Variants in ALG12 observed in about 807,000 individuals in gnomAD.
ALG12 encodes the protein ALG12 alpha-1,6-mannosyltransferase.
ALG12 carries 36 observed loss-of-function variants against 46.0 expected under a neutral mutation model. The observed-to-expected ratio is 0.78, with a 90% CI of 0.60 to 1.03. The LOEUF is 1.03. ALG12 is among the 50% of genes least tolerant of loss of function. The pLI, the probability that ALG12 is intolerant of heterozygous loss-of-function variation, is 0.00. For missense variants in ALG12, 599 were observed against 633.5 expected, an observed-to-expected ratio of 0.95 and a Z score of 0.58; for synonymous variants, 326 against 291.6, an observed-to-expected ratio of 1.12 and a Z score of -1.20.
the ALG12 span, chr22:49,885,023 T>C: frequency 2.5e-6 from 4 of 1,612,854 alleles, no homozygotes; most frequent in Admixed American, 1.7e-5. Context: ...AAAAAGGTCA[T>C]GAAAAGACTG....
rs1469264276 is a variant in ALG12, at chr22:49,913,691, C to G, written c.75G>C (p.Leu25=). ...GLLVAVATVH[L]VICPYTKVEE... is the part of the protein sequence containing the mutation. ...CCACTTTGGTGTAGGGACAGATGAC[C>G]AGGTGGACAGTGGCTACGGCCACCA... Residue 25 remains leucine, a synonymous_variant, in exon 2 of 10, where the codon CTG becomes CTC. Coordinates refer to ENST00000330817, the MANE Select transcript of ALG12 (RefSeq NM_024105.4). 1.9e-6 allele frequency: 3 copies of G among 1,613,936 alleles called. No individual in the cohort carries two copies. The highest frequency in any genetic ancestry group is 2.5e-6 in the Non-Finnish European group (3 of 1,180,032).
At chr22:49,874,730 A>G in the ALG12 span, among the ~76,000 whole-genome samples, 51 of 113,202 alleles carry the variant, frequency 4.5e-4, no homozygotes, top group Admixed American at 4.7e-3. Flanking sequence ...GCCAGGCTGG[A>G]GGGCAATGGC....
At chr22:49,887,251 C>T in the ALG12 span, 32 of 1,483,374 alleles carry the variant, frequency 2.2e-5, no homozygotes, top group African/African-American at 2.0e-4. Flanking sequence ...GTCTATGACC[C>T]GCTCTGCCCA....
chr22:49,877,104 C>T, the ALG12 span, among the ~76,000 whole-genome samples: 1 of 152,084 alleles, frequency 6.6e-6, no homozygotes, highest in Non-Finnish European at 1.5e-5. Context: ...TAAATGAACG[C>T]TGGCAGTGAG....
At chr22:49,888,719 T>A in the ALG12 span, 1 of 167,316 alleles carries the variant, frequency 6.0e-6, no homozygotes, top group African/African-American at 2.4e-5. Context: ...GTGCACGCTC[T>A]TCCTGGTGTC....
At chr22:49,872,039 C>T in the ALG12 span, among the ~76,000 whole-genome samples, 9 of 152,044 alleles carry the variant, frequency 5.9e-5, no homozygotes, top group East Asian at 1.9e-4. Flanking sequence ...CCACTGCACC[C>T]GGCTGACAAT....
chr22:49,895,117 C>G, the ALG12 span, among the ~76,000 whole-genome samples: 1 of 151,618 alleles, frequency 6.6e-6, no homozygotes, highest in African/African-American at 2.4e-5. Context: ...GCCCATCTTT[C>G]TATGTTAGTA....
At chr22:49,885,749 C>T in the ALG12 span, 1 of 1,603,764 alleles carries the variant, frequency 6.2e-7, no homozygotes, top group East Asian at 2.2e-5. Context: ...TCCCTCCCCG[C>T]CCCTTCCTAC....
In ALG12 at chr22:49,904,521, G is replaced by T. The variant is rs1432008242; in HGVS notation, c.993-15C>A. On this transcript the variant is annotated splice_polypyrimidine_tract_variant and intron_variant, in intron 7 of 9. Transcript: ENST00000330817. ...AGTTATTCAGCCTGAAAAAAGAATG[G>T]TTACACATCATAGGCAGAACGTAAT... is the stretch of plus-strand genomic sequence containing the variant. The T allele has an allele frequency of 6.2e-7, 1 of 1,613,916 alleles. No homozygotes were observed. Among genetic ancestry groups the T allele is most frequent in the East Asian group, 2.2e-5 (1 of 44,902 alleles).
the ALG12 span, among the ~76,000 whole-genome samples, chr22:49,866,894 C>G: frequency 6.6e-6 from 1 of 152,202 alleles, no homozygotes; most frequent in Non-Finnish European, 1.5e-5. Context: ...TGGCTCTCGG[C>G]AAATGCACGT....
At chr22:49,866,813 G>A in the ALG12 span, among the ~76,000 whole-genome samples, 1 of 152,144 alleles carries the variant, frequency 6.6e-6, no homozygotes, top group African/African-American at 2.4e-5. Flanking sequence ...TCACACAAAC[G>A]GAAATTAGGA....
the ALG12 span, chr22:49,884,645 T>A: frequency 6.2e-7 from 1 of 1,612,688 alleles, no homozygotes; most frequent in South Asian, 1.1e-5. Context: ...AGCTGCCTCA[T>A]CAGGCACATG....
the ALG12 span, chr22:49,886,673 T>A: frequency 6.2e-7 from 1 of 1,611,682 alleles, no homozygotes; most frequent in Non-Finnish European, 8.5e-7. The surrounding 1 kb of genome is among the most constrained non-coding windows in gnomAD (Gnocchi z 7.7). Context: ...CGGTACGTCT[T>A]CGCCACGCTG....
At chr22:49,915,008 C>T (rs183507892) in intron 1 of ALG12, among the ~76,000 whole-genome samples, 7 of 152,342 alleles carry the variant, frequency 4.6e-5, no homozygotes, top group Admixed American at 3.9e-4. Context: ...GGATTACAGG[C>T]GTGGGCCACC....
rs368695462 is a variant in ALG12 at position 49,909,933 on chromosome 22, C to T, written c.625G>A (p.Ala209Thr). The change falls in exon 5 of 10, where the codon GCC (alanine) becomes ACC (threonine). Residue 209 changes from alanine (A) to threonine (T), a missense_variant. Coordinates refer to ENST00000330817, the MANE Select transcript of ALG12 (RefSeq NM_024105.4). ...LGNRKVSVVRALRHAVPAGIL... is the reference protein window; with the variant it reads ...LGNRKVSVVRTLRHAVPAGIL... Reference sequence around the variant, plus strand: ...CCTGCCGGGACGGCGTGGCGAAGGGCTCTGACTACAGAAACCTTTCGGTTG... The same window carrying T: ...CCTGCCGGGACGGCGTGGCGAAGGGTTCTGACTACAGAAACCTTTCGGTTG... 1.9e-6 allele frequency: 3 copies of T among 1,614,038 alleles called. No homozygotes were observed. The African/African-American group carries it at 4.0e-5, about 22-fold the overall frequency.
chr22:49,912,218 TG>T (rs140366863), intron 3 of ALG12, among the ~76,000 whole-genome samples: 2 of 151,170 alleles, frequency 1.3e-5, no homozygotes, highest in East Asian at 1.9e-4. Flanking sequence ...TGGCAGGGGC[TG>T]GGGGGGGCAC....
At chr22:49,910,920 C>T (rs935681049) in intron 3 of ALG12, among the ~76,000 whole-genome samples, 1 of 152,236 alleles carries the variant, frequency 6.6e-6, no homozygotes, top group African/African-American at 2.4e-5. Context: ...AGAGACCCCA[C>T]CGGGCTGTGG....
the ALG12 span, among the ~76,000 whole-genome samples, chr22:49,868,338 A>G: frequency 6.6e-6 from 1 of 152,216 alleles, no homozygotes; most frequent in African/African-American, 2.4e-5. Flanking sequence ...TGAGGAAGGA[A>G]GCTGGCTGAG....
chr22:49,862,657 T>G, the ALG12 span, among the ~76,000 whole-genome samples: 1 of 150,506 alleles, frequency 6.6e-6, no homozygotes, highest in African/African-American at 2.4e-5. Context: ...TTGTTTTGAC[T>G]GAACTGAGTA....
Sources: gnomAD v4.1 joint callset for allele counts (sites outside exome capture counted in the v4.1 genomes callset) on GRCh38, gnomAD v4.1.1 for gene constraint, Gnocchi (gnomAD v3.1) non-coding constraint, MANE v1.5 for transcripts, NCBI Gene and HGNC (gene_info 2026-07-23, HGNC 2026-07-21) for gene names.